Variants in MAF observed in about 807,000 individuals in gnomAD.
MAF encodes transcription factor Maf.
In MAF, 10 loss-of-function variants were observed where a neutral mutation model predicts 22.0. That is an observed-to-expected ratio of 0.45 (90% CI 0.28 to 0.77). The LOEUF (loss-of-function observed/expected upper bound fraction) is 0.77. Among genes scored for constraint, MAF ranks in the 30% least tolerant of loss-of-function variants. The pLI is 0.12. For synonymous variants in MAF, 337 were observed against 255.8 expected (o/e 1.32, Z -3.03); for missense variants, 544 against 548.4 (o/e 0.99, Z 0.08).
the MAF span, among the ~76,000 whole-genome samples, chr16:79,288,607 A>T: frequency 6.6e-6 from 1 of 152,234 alleles, no homozygotes; most frequent in South Asian, 2.1e-4. Context: ...AGTTTTGGGA[A>T]GGTGTTGTTA....
At chr16:79,307,595 C>T in the MAF span, among the ~76,000 whole-genome samples, 6 of 151,980 alleles carry the variant, frequency 3.9e-5, no homozygotes, top group East Asian at 1.9e-4. Flanking sequence ...CTACCCTTTA[C>T]TATAAAAAAA....
chr16:79,452,225 G>A, the MAF span, among the ~76,000 whole-genome samples: 2 of 152,130 alleles, frequency 1.3e-5, no homozygotes. Context: ...AATTTTATGT[G>A]GAGAAAAAGG....
the MAF span, among the ~76,000 whole-genome samples, chr16:79,447,853 C>T: frequency 1.6e-5 from 2 of 122,246 alleles, no homozygotes; most frequent in South Asian, 2.7e-4. Flanking sequence ...GCTGAGATCA[C>T]GTCACTGTAC....
the MAF span, among the ~76,000 whole-genome samples, chr16:79,214,559 C>T: frequency 0.5 from 75,889 of 151,586 alleles, 20,699 homozygotes; most frequent in Non-Finnish European, 0.63. Flanking sequence ...GTACACACCA[C>T]CACACCTGGC....
chr16:79,392,594 C>T, the MAF span, among the ~76,000 whole-genome samples: 1 of 152,038 alleles, frequency 6.6e-6, no homozygotes, highest in African/African-American at 2.4e-5. Context: ...TCCTATATTA[C>T]CTTATTTGAG....
the MAF span, among the ~76,000 whole-genome samples, chr16:79,480,732 C>G: frequency 1.3e-5 from 2 of 152,248 alleles, no homozygotes; most frequent in South Asian, 4.1e-4. Context: ...TACCATGAAC[C>G]AAAGGCTATG....
chr16:79,428,753 G>A, the MAF span, among the ~76,000 whole-genome samples: 1 of 152,040 alleles, frequency 6.6e-6, no homozygotes, highest in Non-Finnish European at 1.5e-5. Context: ...GCTGAGGTGG[G>A]AGTATTGCTT....
chr16:79,286,520 C>G, the MAF span, among the ~76,000 whole-genome samples: 1 of 152,308 alleles, frequency 6.6e-6, no homozygotes, highest in South Asian at 2.1e-4. Context: ...CATTTATTTG[C>G]CACACCATTA....
At chr16:79,598,513 G>A (rs918427786) in intron 1 of MAF, 2 of 1,348,284 alleles carry the variant, frequency 1.5e-6, no homozygotes, top group Non-Finnish European at 1.9e-6. Flanking sequence ...GGCAATCCAT[G>A]AGCCAGACAC....
the MAF span, among the ~76,000 whole-genome samples, chr16:79,455,589 T>C: frequency 4.6e-5 from 7 of 152,232 alleles, no homozygotes; most frequent in African/African-American, 1.7e-4. Context: ...AACTTGTTTT[T>C]TCTCCCATCT....
At chr16:79,429,789 C>A in the MAF span, among the ~76,000 whole-genome samples, 7 of 152,172 alleles carry the variant, frequency 4.6e-5, no homozygotes, top group Non-Finnish European at 7.3e-5. Flanking sequence ...GTTTATTGGA[C>A]CTGTGCTTTC....
the MAF span, among the ~76,000 whole-genome samples, chr16:79,309,087 G>C: frequency 6.6e-6 from 1 of 152,152 alleles, no homozygotes; most frequent in African/African-American, 2.4e-5. Flanking sequence ...GGTGGGAGGT[G>C]GAAGGGAACA....
At chr16:79,557,435 G>T in the MAF span, among the ~76,000 whole-genome samples, 1 of 152,036 alleles carries the variant, frequency 6.6e-6, no homozygotes, top group African/African-American at 2.4e-5. Context: ...AGAAGAAATA[G>T]ATCCCCCAAT....
chr16:79,379,672 G>C, the MAF span, among the ~76,000 whole-genome samples: 1 of 152,216 alleles, frequency 6.6e-6, no homozygotes, highest in Non-Finnish European at 1.5e-5. Flanking sequence ...GTGAAACTAA[G>C]TCATTCCAGG....
At chr16:79,358,104 A>C in the MAF span, among the ~76,000 whole-genome samples, 1 of 152,218 alleles carries the variant, frequency 6.6e-6, no homozygotes, top group Non-Finnish European at 1.5e-5. Flanking sequence ...GTCACGGCAC[A>C]TCACAGCCCC....
the MAF span, chr16:79,202,760 G>C: frequency 4.6e-5 from 7 of 152,162 alleles, no homozygotes; most frequent in Non-Finnish European, 7.3e-5. Context: ...AGCATGCATA[G>C]CTTGTTAGTA....
At chr16:79,219,124 C>T in the MAF span, among the ~76,000 whole-genome samples, 9 of 152,156 alleles carry the variant, frequency 5.9e-5, no homozygotes, top group African/African-American at 2.2e-4. Context: ...ATAAAAGCTC[C>T]TTTTAATTTT....
chr16:79,412,274 T>G, the MAF span, among the ~76,000 whole-genome samples: 1 of 152,108 alleles, frequency 6.6e-6, no homozygotes, highest in Non-Finnish European at 1.5e-5. Context: ...AAAGGGCCAG[T>G]TGACACCCTA....
the MAF span, among the ~76,000 whole-genome samples, chr16:79,248,693 G>A: frequency 6.6e-6 from 1 of 151,984 alleles, no homozygotes; most frequent in Non-Finnish European, 1.5e-5. Context: ...CTGAAGATAG[G>A]GATTTTAGCT....
Sources: allele counts gnomAD v4.1 joint callset (sites outside exome capture counted in the v4.1 genomes callset), GRCh38; gene constraint gnomAD v4.1.1; transcripts MANE v1.5; gene names NCBI Gene and HGNC (gene_info 2026-07-23, HGNC 2026-07-21).